The following RABGEF1 variants were observed in gnomAD, a reference collection of about 807,000 sequenced individuals.
RABGEF1 encodes rab5 GDP/GTP exchange factor.
Under a neutral mutation model 57.3 loss-of-function variants are expected in RABGEF1, and 26 were observed. The ratio of observed to expected loss-of-function variants is 0.45; its 90% CI spans 0.33 to 0.63. The LOEUF (loss-of-function observed/expected upper bound fraction) is 0.63, where lower values mean the gene tolerates loss of function less well. Among genes scored for constraint, RABGEF1 ranks in the 20% least tolerant of loss-of-function variants. The pLI is 0.02. For synonymous variants in RABGEF1, 185 were observed against 210.7 expected, an observed-to-expected ratio of 0.88 and a Z score of 1.06; for missense variants, 464 against 607.6, an observed-to-expected ratio of 0.76 and a Z score of 2.48.
intron 2 of RABGEF1, among the ~76,000 whole-genome samples, chr7:66,720,184 TA>T (rs1256084651): frequency 1.8e-4 from 20 of 113,808 alleles, no homozygotes; most frequent in East Asian, 2.8e-4. Context: ...TTATTATTAT[TA>T]TTATTATTAT....
chr7:66,748,820 A>G (rs769221108), intron 1 of RABGEF1: 25 of 182,494 alleles, frequency 1.4e-4, no homozygotes, highest in Non-Finnish European at 2.4e-4. Flanking sequence ...CATTTCTCCA[A>G]TTCGAACTTT....
chr7:66,694,429 C>T (rs759460790), intron 1 of RABGEF1, among the ~76,000 whole-genome samples: 6 of 152,144 alleles, frequency 3.9e-5, no homozygotes, highest in Non-Finnish European at 7.3e-5. Context: ...GGGAGTTGGA[C>T]GGAACATAAG....
intron 2 of RABGEF1, among the ~76,000 whole-genome samples, chr7:66,720,209 TCTTTGAGAGGGTGAG>T (rs1795883177): frequency 1.4e-5 from 2 of 140,392 alleles, no homozygotes; most frequent in East Asian, 2.1e-4. Flanking sequence ...TTTTTTTTTT[TCTTTGAGAGGGTGAG>T]TCTTGTTCCA....
Position 66,733,983 on chromosome 7 carries a change from C to T in RABGEF1, c.-814-6013C>T, listed in dbSNP as rs200396409. On this transcript the variant is annotated intron_variant and NMD_transcript_variant, in intron 2 of 9. Transcript: ENST00000607882. ...TTGTGCCATTGCACTCCAGCCTGGG[C>T]GACACAGCGAGACTCCGTCTCAAAA... 5.5e-4 allele frequency among the ~76,000 whole-genome samples: 83 copies of T among 152,168 alleles called. No homozygotes were observed. In the East Asian group the frequency reaches 9.5e-3, roughly 17 times the overall value.
intron 8 of RABGEF1, among the ~76,000 whole-genome samples, chr7:66,806,913 G>C (rs1334240472): frequency 6.6e-6 from 1 of 151,982 alleles, no homozygotes; most frequent in African/African-American, 2.4e-5. Flanking sequence ...CACAGTGTTG[G>C]GATTACAGGC....
chr7:66,745,207 G>A (rs565948320), intron 1 of RABGEF1, among the ~76,000 whole-genome samples: 4 of 149,632 alleles, frequency 2.7e-5, no homozygotes, highest in Non-Finnish European at 6.0e-5. Context: ...AAAAAAAAAT[G>A]ATATCAGTAC....
upstream of RABGEF1, among the ~76,000 whole-genome samples, chr7:66,678,041 G>C (rs1479668053): frequency 2.0e-5 from 3 of 151,816 alleles, no homozygotes; most frequent in Non-Finnish European, 4.4e-5. Flanking sequence ...TCCAGTCTGG[G>C]TGACAAAGAC....
At chr7:66,799,135 G>C (rs766544005) in intron 6 of RABGEF1, among the ~76,000 whole-genome samples, 188 bp from the exon 7 acceptor site, 3 of 152,204 alleles carry the variant, frequency 2.0e-5, no homozygotes, top group Non-Finnish European at 4.4e-5. Flanking sequence ...AAATGCAGAA[G>C]TCTCATTTTA....
At chr7:66,781,881 A>G (rs1263779829) in intron 3 of RABGEF1, among the ~76,000 whole-genome samples, 1 of 152,212 alleles carries the variant, frequency 6.6e-6, no homozygotes, top group East Asian at 1.9e-4. Flanking sequence ...CTCTCCCAGC[A>G]GTGAGCTGGG....
At chr7:66,715,745 A>G (rs1195022531) in intron 2 of RABGEF1, among the ~76,000 whole-genome samples, 2 of 151,932 alleles carry the variant, frequency 1.3e-5, no homozygotes, top group Non-Finnish European at 2.9e-5. Context: ...TGAATGTTCT[A>G]TATGCTTTTT....
intron 4 of RABGEF1, among the ~76,000 whole-genome samples, chr7:66,785,878 G>GA (rs1811059780): frequency 4.8e-5 from 7 of 147,180 alleles, no homozygotes; most frequent in Non-Finnish European, 4.5e-5. Context: ...CATCTGGGGG[G>GA]GAAAAAAAAA....
At position 66,803,325 on chromosome 7, in the gene RABGEF1, A is replaced by G. The variant is rs536037328; in HGVS notation, c.821-1815A>G. Reference sequence around the variant, plus strand: ...GACCTCAGGGATGATCTAAAAGCTGAAAGAACCCTTTGGTATACCCCACCG... The same window carrying G: ...GACCTCAGGGATGATCTAAAAGCTGGAAGAACCCTTTGGTATACCCCACCG... On this transcript the variant is annotated intron_variant, in intron 7 of 8. Transcript: ENST00000284957. 1.1e-3 allele frequency among the ~76,000 whole-genome samples: 169 copies of G among 152,334 alleles called. 2 individuals are homozygous for G. The highest frequency in any genetic ancestry group is 3.8e-3 in the African/African-American group (156 of 41,586).
At chr7:66,724,361 AT>A (rs1463003206) in intron 2 of RABGEF1, among the ~76,000 whole-genome samples, 35 of 147,804 alleles carry the variant, frequency 2.4e-4, no homozygotes, top group East Asian at 1.1e-3. Context: ...GTATTTATTT[AT>A]TTTATTTTTT....
At chr7:66,773,806 C>T (rs1174536473) in intron 2 of RABGEF1, 3 of 441,690 alleles carry the variant, frequency 6.8e-6, no homozygotes, top group East Asian at 7.1e-5. Flanking sequence ...GCTAGGACTA[C>T]AGAAGTATGC....
intron 2 of RABGEF1, among the ~76,000 whole-genome samples, chr7:66,723,202 C>T (rs919725373): frequency 2.6e-5 from 4 of 152,172 alleles, no homozygotes; most frequent in African/African-American, 9.7e-5. Context: ...TTCTTGACCT[C>T]ATGTTATCTG....
intron 1 of RABGEF1, among the ~76,000 whole-genome samples, chr7:66,699,842 G>A (rs1334163029): frequency 6.6e-6 from 1 of 152,164 alleles, no homozygotes; most frequent in South Asian, 2.1e-4. Flanking sequence ...GACAGAGAGA[G>A]ACCCTGTCTC....
intron 1 of RABGEF1, among the ~76,000 whole-genome samples, chr7:66,691,405 T>C (rs1169346809): frequency 6.6e-6 from 1 of 152,142 alleles, no homozygotes; most frequent in East Asian, 1.9e-4. Flanking sequence ...GGAAAATAAA[T>C]GATGGTATAT....
intron 7 of RABGEF1, among the ~76,000 whole-genome samples, chr7:66,801,044 T>C (rs1265936885): frequency 6.6e-6 from 1 of 152,220 alleles, no homozygotes; most frequent in Non-Finnish European, 1.5e-5. Flanking sequence ...TGAAGAGAAC[T>C]GCATAAAATT....
the RABGEF1 span, chr7:66,667,759 A>T: frequency 2.0e-5 from 3 of 152,352 alleles, no homozygotes; most frequent in Non-Finnish European, 4.4e-5. Flanking sequence ...CCACGTCCCC[A>T]AGAAGTTCCA....
Sources: gnomAD v4.1 joint callset for allele counts (sites outside exome capture counted in the v4.1 genomes callset) on GRCh38, gnomAD v4.1.1 for gene constraint, MANE v1.5 for transcripts, NCBI Gene and HGNC (gene_info 2026-07-23, HGNC 2026-07-21) for gene names.